The following SLC30A8 variants were observed in gnomAD, a reference collection of about 807,000 sequenced individuals.
The protein encoded by SLC30A8 is proton-coupled zinc antiporter SLC30A8.
SLC30A8 carries 27 observed loss-of-function variants against 36.9 expected under a neutral mutation model. The ratio of observed to expected loss-of-function variants is 0.73; its 90% CI spans 0.54 to 1.01. SLC30A8 has a LOEUF of 1.01. Ranked by LOEUF, SLC30A8 falls within the 50% of genes least tolerant of loss-of-function variation. The pLI is 0.00. For missense variants in SLC30A8, 439 were observed against 452.0 expected (o/e 0.97, Z 0.26); for synonymous variants, 164 against 172.4 (o/e 0.95, Z 0.38).
At position 117,064,931 on chromosome 8, in the gene SLC30A8, G is replaced by A. The variant is rs548946993; in HGVS notation, c.-226+25673G>A. Among the ~76,000 whole-genome samples the A allele has an allele frequency of 5.9e-5, 9 of 152,244 alleles. No individual in the cohort carries two copies. In the South Asian group the frequency reaches 1.0e-3, roughly 18 times the overall value. ...TTTAATAGATAAAATCGATTGAAGC[G>A]TTCCCTCTACTATCCAATAAAGTAA... On this transcript the variant is annotated intron_variant, in intron 2 of 10. Transcript: ENST00000427715.
chr8:116,991,855 A>G (rs1360822417), intron 1 of SLC30A8, among the ~76,000 whole-genome samples: 9 of 152,266 alleles, frequency 5.9e-5, no homozygotes, highest in East Asian at 1.9e-4. Context: ...GCAAGGGTCC[A>G]CTGCTAATGC....
intron 2 of SLC30A8, among the ~76,000 whole-genome samples, chr8:117,059,041 A>T (rs1391913884): frequency 6.6e-6 from 1 of 152,244 alleles, no homozygotes; most frequent in Non-Finnish European, 1.5e-5. Context: ...TTCATACTGC[A>T]GAACATTATA....
At chr8:117,083,774 C>T (rs2130815299) in intron 2 of SLC30A8, among the ~76,000 whole-genome samples, 1 of 152,266 alleles carries the variant, frequency 6.6e-6, no homozygotes, top group African/African-American at 2.4e-5. Context: ...AGACATGCTG[C>T]ATGAATAAGC....
intron 1 of SLC30A8, among the ~76,000 whole-genome samples, chr8:117,006,247 A>C (rs1012466747): frequency 6.6e-6 from 1 of 152,202 alleles, no homozygotes; most frequent in African/African-American, 2.4e-5. Context: ...TATTTTTCTT[A>C]CATAATACAA....
At chr8:117,010,923 T>C (rs1816322811) in intron 1 of SLC30A8, among the ~76,000 whole-genome samples, 1 of 152,136 alleles carries the variant, frequency 6.6e-6, no homozygotes, top group South Asian at 2.1e-4. Flanking sequence ...CATTAGAAAC[T>C]GCCCCCGTGA....
intron 4 of SLC30A8, 52 bp downstream of exon 4, chr8:117,157,896 A>G (rs772952544): frequency 1.9e-6 from 3 of 1,594,828 alleles, no homozygotes; most frequent in African/African-American, 1.3e-5. Flanking sequence ...TCCTGTAACT[A>G]TCTGGACAAA....
At chr8:117,087,555 A>G (rs989049775) in intron 2 of SLC30A8, among the ~76,000 whole-genome samples, 6 of 150,514 alleles carry the variant, frequency 4.0e-5, no homozygotes, top group African/African-American at 1.2e-4. Flanking sequence ...AATCTTCTAT[A>G]TTTTCCCTGT....
intron 2 of SLC30A8, among the ~76,000 whole-genome samples, chr8:117,094,654 A>T (rs1161664545): frequency 6.6e-6 from 1 of 151,760 alleles, no homozygotes; most frequent in African/African-American, 2.4e-5. Flanking sequence ...GCAAGTTCCC[A>T]CTCCTGTTTG....
chr8:117,077,203 G>A (rs1030789245), intron 2 of SLC30A8, among the ~76,000 whole-genome samples: 7 of 152,154 alleles, frequency 4.6e-5, no homozygotes, highest in Admixed American at 2.0e-4. Context: ...CCCAATAAAG[G>A]TGATGCCTCA....
chr8:116,953,703 C>G lies in SLC30A8; in HGVS notation c.-266+2584C>G, dbSNP rs572801219. On this transcript the variant is annotated intron_variant, in intron 1 of 10. Coordinates refer to the SLC30A8 transcript ENST00000427715. ...GCACTCATGTCTGACTTTCCCTGCT[C>G]TGCTGGGTTTTGTAGCATTTTTCTA... Among the ~76,000 whole-genome samples the G allele has an allele frequency of 2.6e-5, 4 of 152,312 alleles. No homozygotes were observed. The South Asian group carries it at 6.2e-4, about 24-fold the overall frequency.
chr8:116,988,471 C>G (rs1388835744), intron 1 of SLC30A8, among the ~76,000 whole-genome samples: 1 of 152,134 alleles, frequency 6.6e-6, no homozygotes, highest in Non-Finnish European at 1.5e-5. Flanking sequence ...TTCCCCAAGC[C>G]CTTCTCTCTT....
At chr8:117,100,607 A>G (rs1819669958) in intron 2 of SLC30A8, among the ~76,000 whole-genome samples, 1 of 152,188 alleles carries the variant, frequency 6.6e-6, no homozygotes. Context: ...CAGGTCTTCT[A>G]CAGTGAGCAG....
chr8:117,023,555 G>A (rs1210785875), intron 1 of SLC30A8, among the ~76,000 whole-genome samples: 1 of 152,052 alleles, frequency 6.6e-6, no homozygotes, highest in Admixed American at 6.5e-5. Flanking sequence ...AAAATGATGA[G>A]TTCATGTATT....
chr8:117,064,832 T>C (rs1818121694), intron 2 of SLC30A8, among the ~76,000 whole-genome samples: 1 of 152,182 alleles, frequency 6.6e-6, no homozygotes, highest in East Asian at 1.9e-4. Context: ...GAGAAATATG[T>C]GAGGGCGGGA....
At position 117,172,665 on chromosome 8, in the gene SLC30A8, A is replaced by G; in HGVS notation, c.1094A>G (p.Glu365Gly). Residue 365 changes from glutamate (E) to glycine (G), a missense_variant, in exon 8 of 8, where the codon GAA becomes GGA. Glu to Gly is a moderately conservative substitution (Grantham distance 98). Coordinates refer to ENST00000456015, the MANE Select transcript of SLC30A8 (RefSeq NM_173851.3). ...VDQDPDCLFCEDPCD is the reference protein window; with the variant it reads ...VDQDPDCLFCGDPCD ...CAGGACCCCGACTGCCTTTTCTGTG[A>G]AGACCCCTGTGACTAGCTCAGTCAC... is the stretch of plus-strand genomic sequence containing the variant. 1 of 1,613,690 alleles carries G rather than the reference A, an allele frequency of 6.2e-7. No individual in the cohort carries two copies. Among genetic ancestry groups the G allele is most frequent in the Non-Finnish European group, 8.5e-7 (1 of 1,179,668 alleles).
chr8:117,055,369 C>T (rs1214553315), intron 2 of SLC30A8, among the ~76,000 whole-genome samples: 1 of 152,168 alleles, frequency 6.6e-6, no homozygotes, highest in Non-Finnish European at 1.5e-5. Context: ...CTCCCAGTGT[C>T]CTTACTCTTA....
chr8:116,958,222 A>G (rs903079806), intron 1 of SLC30A8, among the ~76,000 whole-genome samples: 1 of 152,174 alleles, frequency 6.6e-6, no homozygotes, highest in Non-Finnish European at 1.5e-5. Flanking sequence ...CAACATTGAA[A>G]GAGGTTCCAT....
intron 1 of SLC30A8, among the ~76,000 whole-genome samples, chr8:116,992,039 G>T (rs967870707): frequency 6.6e-6 from 1 of 152,092 alleles, no homozygotes; most frequent in Admixed American, 6.5e-5. Flanking sequence ...GGCTTTTTAC[G>T]TGTTACTTAT....
upstream of SLC30A8, among the ~76,000 whole-genome samples, chr8:117,133,111 A>G (rs2130927546): frequency 6.6e-6 from 1 of 152,172 alleles, no homozygotes; most frequent in African/African-American, 2.4e-5. Context: ...ATATGTGTGC[A>G]TGTATATTTA....
Sources: gnomAD v4.1 joint callset for allele counts (sites outside exome capture counted in the v4.1 genomes callset) on GRCh38, gnomAD v4.1.1 for gene constraint, MANE v1.5 for transcripts, NCBI Gene and HGNC (gene_info 2026-07-23, HGNC 2026-07-21) for gene names.